ALS2: variants seen among roughly 807,000 people sequenced by gnomAD.
ALS2 encodes the protein alsin.
Under a neutral mutation model 203.4 loss-of-function variants are expected in ALS2, and 117 were observed. The ratio of observed to expected loss-of-function variants is 0.58; its 90% CI spans 0.50 to 0.67. The LOEUF is 0.67. ALS2 is among the 30% of genes least tolerant of loss of function. The pLI, the probability that ALS2 is intolerant of heterozygous loss-of-function variation, is 0.00. For synonymous variants in ALS2, 718 were observed against 725.9 expected, an observed-to-expected ratio of 0.99 and a Z score of 0.17; for missense variants, 1,715 against 1,989.4, an observed-to-expected ratio of 0.86 and a Z score of 2.62.
intron 13 of ALS2, among the ~76,000 whole-genome samples, chr2:201,729,897 A>ACC (rs969567769): frequency 1.1e-4 from 17 of 150,186 alleles, no homozygotes; most frequent in African/African-American, 3.4e-4. Context: ...AAAAAAAAAA[A>ACC]AAAAAACAAC....
rs537961036 is a variant in ALS2, at chr2:201,706,527, C to T, written c.4580+319G>A. Among the ~76,000 whole-genome samples the T allele has an allele frequency of 4.8e-3, 376 of 78,340 alleles. 5 individuals are homozygous for T. Among genetic ancestry groups the T allele is most frequent in the African/African-American group, 0.016 (369 of 23,580 alleles). The allele number at this position is 78,340 out of a possible 152,430, so 51.4% of individuals were successfully genotyped here. On this transcript the variant is annotated intron_variant, in intron 29 of 33. Coordinates refer to ENST00000264276, the MANE Select transcript of ALS2 (RefSeq NM_020919.4). Reference sequence around the variant, plus strand: ...AGCTATAAAATACCAGGCAAAATAGCTCACACTTTATATATATATATATAT... The same window carrying T: ...AGCTATAAAATACCAGGCAAAATAGTTCACACTTTATATATATATATATAT...
At chr2:201,744,877 A>T (rs1692528325) in intron 9 of ALS2, among the ~76,000 whole-genome samples, 1 of 152,218 alleles carries the variant, frequency 6.6e-6, no homozygotes, top group African/African-American at 2.4e-5. Context: ...GAGGATCTCT[A>T]TGCTATATAT....
rs539526691 is a variant in ALS2 at position 201,710,041 on chromosome 2, G to C, written c.4123-3C>G. 15 of 1,613,760 alleles carry C rather than the reference G, an allele frequency of 9.3e-6. No homozygotes were observed. The South Asian group carries it at 1.3e-4, about 14-fold the overall frequency. The stretch of plus-strand genomic sequence containing the variant: ...GGGTGCAGAGGAGTGTCACAGGCCT[G>C]AGTAGGAAAAGAATCAATGAAGTCA... On this transcript the variant is annotated splice_polypyrimidine_tract_variant and splice_region_variant and intron_variant, in intron 26 of 33. Coordinates refer to ENST00000264276, the MANE Select transcript of ALS2 (RefSeq NM_020919.4).
intron 23 of ALS2, chr2:201,720,270 T>C (rs1171789831): frequency 6.2e-6 from 2 of 323,566 alleles, no homozygotes; most frequent in East Asian, 1.1e-4. Flanking sequence ...TTATACACCA[T>C]GACCAAGTAC....
intron 2 of ALS2, 121 bp from the exon 3 acceptor site, chr2:201,767,504 A>G (rs781084501): frequency 8.1e-5 from 86 of 1,064,606 alleles, no homozygotes; most frequent in Admixed American, 2.1e-5. Context: ...AGATAGCTGA[A>G]TTAGCACCTA....
At chr2:201,777,639 G>C (rs563110151) in intron 1 of ALS2, among the ~76,000 whole-genome samples, 8 of 152,164 alleles carry the variant, frequency 5.3e-5, no homozygotes, top group Middle Eastern at 3.4e-3. Context: ...ATAAGTTACA[G>C]AGGTGAAGAA....
At chr2:201,704,300 A>G in intron 32 of ALS2, 82 bp from the exon 33 acceptor site, 1 of 1,503,914 alleles carries the variant, frequency 6.6e-7, no homozygotes, top group Non-Finnish European at 9.2e-7. Flanking sequence ...GGGAAAAAGA[A>G]AGAACAGCTC....
intron 10 of ALS2, among the ~76,000 whole-genome samples, chr2:201,743,962 A>C (rs1574747032): frequency 6.6e-6 from 1 of 152,208 alleles, no homozygotes; most frequent in South Asian, 2.1e-4. Flanking sequence ...AACTTTATGT[A>C]GGGTCAACTT....
At position 201,723,434 on chromosome 2, in the gene ALS2, T is replaced by C; in HGVS notation, c.3520A>G (p.Lys1174Glu). 1.9e-6 allele frequency: 3 copies of C among 1,612,654 alleles called. No homozygotes were observed. Among genetic ancestry groups the C allele is most frequent in the Admixed American group, 1.7e-5 (1 of 60,008 alleles). The part of the protein sequence containing the change: ...GVFDDITRGE[K>E]YMGMWQDDVC... ...TCATCTTGCCACATTCCCATATACT[T>C]TTCCCCCCTGCACAGAAATAAAAAG... Residue 1174 changes from lysine to glutamate, a missense_variant, in exon 22 of 34, where the codon AAG (lysine) becomes GAG (glutamate). This residue lies in a region of ALS2 where 1,227 missense variants were observed against 1,413.5 expected (regional missense o/e 0.87). Transcript: ENST00000264276.
chr2:201,768,699 C>A (rs1574802135), intron 2 of ALS2, among the ~76,000 whole-genome samples, 167 bp downstream of exon 2: 1 of 152,254 alleles, frequency 6.6e-6, no homozygotes, highest in African/African-American at 2.4e-5. Flanking sequence ...TTACAACTAA[C>A]AAGCCTTTTT....
At chr2:201,726,378 A>T in intron 19 of ALS2, 106 bp downstream of exon 19, 1 of 1,057,932 alleles carries the variant, frequency 9.5e-7, no homozygotes, top group Non-Finnish European at 1.5e-6. Context: ...AAAAATAACA[A>T]CAAAAATCTA....
In ALS2 at chr2:201,715,851, A is replaced by C. The variant is rs1294173953; in HGVS notation, c.3837-12T>G. On this transcript the variant is annotated splice_polypyrimidine_tract_variant and intron_variant, in intron 24 of 33. Transcript: ENST00000264276. ...TTCCTAGCTTCCTGCTAATAAAGTC[A>C]TATCAACCTTTTATTAATCATTTCT... 1 of 1,614,086 alleles carries C rather than the reference A, an allele frequency of 6.2e-7. No individual in the cohort carries two copies. Among genetic ancestry groups the C allele is most frequent in the Non-Finnish European group, 8.5e-7 (1 of 1,179,892 alleles).
At chr2:201,709,502 G>A (rs1382123210) in intron 27 of ALS2, among the ~76,000 whole-genome samples, 1 of 152,106 alleles carries the variant, frequency 6.6e-6, no homozygotes. Flanking sequence ...GTTGCCAAAG[G>A]ACAAGACACA....
rs149971063 is a variant in ALS2 at position 201,739,189 on chromosome 2, T to C, written c.2352-454A>G. Among the ~76,000 whole-genome samples the C allele has an allele frequency of 1.5e-3, 204 of 132,254 alleles. 1 individual carries two copies. The highest frequency in any genetic ancestry group is 5.6e-3 in the African/African-American group (195 of 34,814). 86.8% of individuals were successfully genotyped at this position (132,254 alleles called of 152,430 possible). A position where few individuals can be genotyped will look rare whatever the true frequency, so the allele number is the denominator to read the frequency against. ...GGGAGGTTGAGGCTGCAGTGAGCTG[T>C]GATTCCAACATTGCACAGCCTGAGT... On this transcript the variant is annotated intron_variant, in intron 11 of 33. Transcript: ENST00000264276.
At position 201,726,703 on chromosome 2, in the gene ALS2, G is replaced by C. The variant is rs1691185067; in HGVS notation, c.3143C>G (p.Thr1048Ser). 2 of 1,614,142 alleles carry C rather than the reference G, an allele frequency of 1.2e-6. No individual in the cohort carries two copies. The change falls in exon 18 of 34, where the codon ACC becomes AGC. Residue 1048 changes from threonine (T) to serine (S), a missense_variant. Around this residue, in one of 3 missense-constraint regions of ALS2, gnomAD observed 1,227 missense variants for 1,413.5 expected, o/e 0.87. Coordinates refer to ENST00000264276, the MANE Select transcript of ALS2 (RefSeq NM_020919.4). ...CCCTGAAAGCCAGCGTCCATCATAG[G>C]TGGCATCCTTTAGGCGAGGATCCTT... is the stretch of plus-strand genomic sequence containing the variant. ...FYKDPRLKDA[T>S]YDGRWLSGKP...
Position 201,767,258 on chromosome 2 carries a change from C to A in ALS2, c.146G>T (p.Gly49Val), listed in dbSNP as rs1461116724. 6.2e-7 allele frequency: 1 copy of A among 1,613,956 alleles called. No homozygotes were observed. Among genetic ancestry groups the A allele is most frequent in the Non-Finnish European group, 8.5e-7 (1 of 1,180,012 alleles). The change falls in exon 3 of 34, where the codon GGA (glycine) becomes GTA (valine). Residue 49 changes from glycine (G) to valine (V), a missense_variant. By Grantham distance (109) the Gly-to-Val change is moderately radical (BLOSUM62 -3). Around this residue, in one of 3 missense-constraint regions of ALS2, gnomAD observed 476 missense variants for 539.3 expected, o/e 0.88. Transcript: ENST00000264276. The stretch of plus-strand genomic sequence containing the variant: ...AGTCAGAAGAACTCCATGTTTCACT[C>A]CGAGGGCTGCCTGCAAAACAGTCTT... ...GGKTVLQAAL[G>V]VKHGVLLTED...
intron 21 of ALS2, 104 bp downstream of exon 21, chr2:201,724,191 A>G (rs1691001312): frequency 8.3e-7 from 1 of 1,205,990 alleles, no homozygotes; most frequent in Non-Finnish European, 1.2e-6. Context: ...AAGAAATCTT[A>G]CTAATCTCCA....
chr2:201,771,298 C>T lies in ALS2; in HGVS notation c.-60-2353G>A, dbSNP rs371286964. Among the ~76,000 whole-genome samples the T allele has an allele frequency of 5.6e-4, 85 of 152,166 alleles. No homozygotes were observed. In the East Asian group the frequency reaches 0.01, roughly 19 times the overall value. On this transcript the variant is annotated intron_variant, in intron 1 of 33. Transcript: ENST00000264276. ...CTGACCTCAGGTGATCCACCTGCCT[C>T]GGCCTCCCAAAGTGCTGGGATTACA...
chr2:201,715,870 C>A, intron 24 of ALS2, 31 bp from the exon 25 acceptor site: 2 of 1,613,216 alleles, frequency 1.2e-6, no homozygotes, highest in East Asian at 2.2e-5. Flanking sequence ...TTTTATTAAT[C>A]ATTTCTTTTG....
Sources: gnomAD v4.1 joint callset for allele counts (sites outside exome capture counted in the v4.1 genomes callset) on GRCh38, gnomAD v4.1.1 for gene constraint, gnomAD v4.1.1 regional missense constraint, MANE v1.5 for transcripts, NCBI Gene and HGNC (gene_info 2026-07-23, HGNC 2026-07-21) for gene names.